WDR27: variants seen among roughly 807,000 people sequenced by gnomAD.
The protein encoded by WDR27 is WD repeat-containing protein 27.
Under a neutral mutation model 114.4 loss-of-function variants are expected in WDR27, and 100 were observed. That is an observed-to-expected ratio of 0.87 (90% confidence interval 0.74 to 1.03). WDR27 has a LOEUF of 1.03. Among genes scored for constraint, WDR27 ranks in the 50% least tolerant of loss-of-function variants. The probability of loss-of-function intolerance (pLI) is 0.00; values close to 1 mark genes in which losing one functional copy is unlikely to be tolerated. For missense variants in WDR27, 1,129 were observed against 1,092.9 expected (o/e 1.03, Z -0.47); for synonymous variants, 449 against 423.1 (o/e 1.06, Z -0.75).
rs555380173 is a variant in WDR27, at chr6:169,656,065, G to A, written c.1402+2211C>T. Among the ~76,000 whole-genome samples, 57 of 152,250 alleles carry A rather than the reference G, an allele frequency of 3.7e-4. 1 individual carries two copies. In the South Asian group the frequency reaches 8.9e-3, roughly 24 times the overall value. ...ACAGCTCTCAGCAGAGAGGGGACCC[G>A]GAGAGGGCAGCCCCCTACCCTCAGT... is the stretch of plus-strand genomic sequence containing the variant. On this transcript the variant is annotated intron_variant, in intron 13 of 25. Coordinates refer to ENST00000448612, the MANE Select transcript of WDR27 (RefSeq NM_182552.5).
chr6:169,520,130 CA>C (rs1462142299), intron 25 of WDR27, among the ~76,000 whole-genome samples: 4 of 152,128 alleles, frequency 2.6e-5, no homozygotes, highest in Non-Finnish European at 5.9e-5. Flanking sequence ...TGTAGCTTGA[CA>C]AAAAGAGATA....
intron 24 of WDR27, among the ~76,000 whole-genome samples, chr6:169,578,738 G>A (rs868845134): frequency 2.0e-4 from 31 of 152,268 alleles, no homozygotes; most frequent in African/African-American, 7.5e-4. Flanking sequence ...CCTCGCTCTT[G>A]GGGGACGCTC....
chr6:169,589,918 G>T (rs1336395004), intron 23 of WDR27, among the ~76,000 whole-genome samples: 1 of 56,606 alleles, frequency 1.8e-5, no homozygotes, highest in Non-Finnish European at 3.9e-5. Flanking sequence ...AACAGAGTTG[G>T]AAATAAAACC....
intron 25 of WDR27, among the ~76,000 whole-genome samples, chr6:169,478,310 T>C (rs1256086074): frequency 1.3e-5 from 2 of 152,202 alleles, no homozygotes; most frequent in Non-Finnish European, 2.9e-5. Context: ...TGCTACCACA[T>C]GTTGGACAAA....
intron 18 of WDR27, 76 bp from the exon 19 acceptor site, chr6:169,636,580 TTTC>T: frequency 7.0e-7 from 1 of 1,419,664 alleles, no homozygotes; most frequent in South Asian, 1.4e-5. Context: ...CATAAAATTA[TTTC>T]TTCTTAAAAC....
chr6:169,670,830 T>C, intron 3 of WDR27, 137 bp from the exon 4 acceptor site: 2 of 1,248,310 alleles, frequency 1.6e-6, no homozygotes, highest in Non-Finnish European at 2.2e-6. Flanking sequence ...GTGATTTTGA[T>C]TCTTTAAGAA....
intron 2 of WDR27, 127 bp downstream of exon 2, chr6:169,688,690 T>A: frequency 2.1e-6 from 1 of 478,784 alleles, no homozygotes; most frequent in Non-Finnish European, 3.5e-6. Context: ...ATAATGTTTT[T>A]ATCAATATTT....
chr6:169,501,818 C>T (rs868200595), intron 25 of WDR27, among the ~76,000 whole-genome samples: 18 of 152,308 alleles, frequency 1.2e-4, no homozygotes, highest in South Asian at 1.0e-3. Context: ...TGGAGACGGG[C>T]GCGCCCCTCC....
Position 169,643,710 on chromosome 6 carries a change from A to C in WDR27, c.1734T>G (p.Pro578=). 1 of 1,613,614 alleles carries C rather than the reference A, an allele frequency of 6.2e-7. No individual in the cohort carries two copies. Among genetic ancestry groups the C allele is most frequent in the Non-Finnish European group, 8.5e-7 (1 of 1,179,684 alleles). ...LVFDASLTGT[P]AVFSGHDGAV... ...GACATGTTTTACCTGAAAACACAGC[A>C]GGTGTCCCAGTCAGGCTGGCATCAA... is the stretch of plus-strand genomic sequence containing the variant. The change falls in exon 17 of 26, where the codon CCT becomes CCG. Residue 578 remains proline, a synonymous_variant. Transcript: ENST00000448612.
At chr6:169,657,649 G>A (rs1446081431) in intron 13 of WDR27, 1 of 152,450 alleles carries the variant, frequency 6.6e-6, no homozygotes, top group Non-Finnish European at 1.5e-5. Flanking sequence ...TGAAAGAAAG[G>A]GAACATAATG....
the WDR27 span, among the ~76,000 whole-genome samples, chr6:169,431,433 C>T: frequency 8.1e-4 from 123 of 152,272 alleles, no homozygotes; most frequent in Non-Finnish European, 4.4e-5. Flanking sequence ...CTCTTTAGCC[C>T]TCTGCTTTCC....
At chr6:169,582,521 T>TACATGTAACCGTATTTGTCC (rs1399687267) in intron 24 of WDR27, among the ~76,000 whole-genome samples, 12 of 152,156 alleles carry the variant, frequency 7.9e-5, no homozygotes, top group African/African-American at 2.9e-4. Context: ...CGTATTTGTC[T>TACATGTAACCGTATTTGTCC]ACATGTAACC....
chr6:169,537,641 C>T (rs899333489), intron 25 of WDR27, among the ~76,000 whole-genome samples: 3 of 151,956 alleles, frequency 2.0e-5, no homozygotes, highest in Non-Finnish European at 4.4e-5. Flanking sequence ...ATGTGATGGG[C>T]GTGGGCTTCG....
intron 25 of WDR27, among the ~76,000 whole-genome samples, chr6:169,548,642 T>G (rs1797741653): frequency 1.3e-5 from 2 of 152,182 alleles, no homozygotes; most frequent in South Asian, 4.1e-4. Flanking sequence ...AGTTCCCTAC[T>G]TCAAGACTTA....
intron 2 of WDR27, among the ~76,000 whole-genome samples, chr6:169,674,435 A>C (rs1025675115): frequency 6.6e-6 from 1 of 152,220 alleles, no homozygotes; most frequent in Non-Finnish European, 1.5e-5. Flanking sequence ...ATAAGATAAA[A>C]TTTTAAAAAA....
chr6:169,507,752 T>A (rs555075347), intron 25 of WDR27, among the ~76,000 whole-genome samples: 6 of 152,338 alleles, frequency 3.9e-5, no homozygotes, highest in African/African-American at 1.4e-4. Context: ...TTTTCAATGT[T>A]CATAAATAAA....
intron 2 of WDR27, among the ~76,000 whole-genome samples, chr6:169,686,980 G>T (rs1025505243): frequency 6.6e-6 from 1 of 152,114 alleles, no homozygotes; most frequent in Non-Finnish European, 1.5e-5. Context: ...GGTTACTAGA[G>T]GCTGGGAAGG....
chr6:169,465,258 CAAA>C (rs56688798), intron 25 of WDR27, among the ~76,000 whole-genome samples: 64,687 of 101,530 alleles, frequency 0.64, 18,705 homozygotes, highest in Middle Eastern at 0.73. Flanking sequence ...AACTCCATCT[CAAA>C]AAAAAAAAAA....
chr6:169,552,051 G>C (rs985925272), intron 25 of WDR27, among the ~76,000 whole-genome samples: 16 of 152,162 alleles, frequency 1.1e-4, no homozygotes, highest in African/African-American at 3.1e-4. Context: ...AAAGGCAACA[G>C]GGGTCTGGGC....
Sources: allele counts gnomAD v4.1 joint callset (sites outside exome capture counted in the v4.1 genomes callset), GRCh38; gene constraint gnomAD v4.1.1; transcripts MANE v1.5; gene names NCBI Gene and HGNC (gene_info 2026-07-23, HGNC 2026-07-21).